DHTKD1: variants seen among roughly 807,000 people sequenced by gnomAD.
DHTKD1 encodes the protein 2-oxoadipate dehydrogenase complex component E1.
Under a neutral mutation model 101.8 loss-of-function variants are expected in DHTKD1, and 78 were observed. The observed-to-expected ratio is 0.77, with a 90% confidence interval of 0.64 to 0.93. The LOEUF (loss-of-function observed/expected upper bound fraction) is 0.93, where lower values mean the gene tolerates loss of function less well. DHTKD1 is among the 40% of genes least tolerant of loss of function. DHTKD1 has a pLI of 0.00. For synonymous variants in DHTKD1, 462 were observed against 450.3 expected (o/e 1.03, Z -0.33); for missense variants, 1,223 against 1,161.7 (o/e 1.05, Z -0.77).
At chr10:12,101,611 C>G (rs72779641) in intron 10 of DHTKD1, among the ~76,000 whole-genome samples, 11,943 of 151,916 alleles carry the variant, frequency 0.079, 603 homozygotes, top group Non-Finnish European at 0.12. Flanking sequence ...GTATTTCTTT[C>G]TTTTTTTTCG....
At chr10:12,106,987 C>CTT (rs1184296488) in intron 11 of DHTKD1, among the ~76,000 whole-genome samples, 9 of 141,652 alleles carry the variant, frequency 6.4e-5, no homozygotes, top group Admixed American at 1.4e-4. Flanking sequence ...TTTTTCTTTT[C>CTT]TTTTTTTTTT....
In DHTKD1 at chr10:12,068,991, T is replaced by A. The variant is rs761216464; in HGVS notation, c.-43T>A. Reference sequence around the variant, plus strand: ...ATTTACCAGGGCCGGTGGGATCCCCTCGGGCTCCCGCCTTAGCATGCTGGC... The same window carrying A: ...ATTTACCAGGGCCGGTGGGATCCCCACGGGCTCCCGCCTTAGCATGCTGGC... On this transcript the variant is annotated 5_prime_UTR_variant, in exon 1 of 17. Coordinates refer to ENST00000263035, the MANE Select transcript of DHTKD1 (RefSeq NM_018706.7). The A allele has an allele frequency of 1.9e-6, 3 of 1,608,240 alleles. No homozygotes were observed. In the Admixed American group the frequency reaches 5.0e-5, roughly 27 times the overall value.
rs776933405 is a variant in DHTKD1 at position 12,069,039 on chromosome 10, C to T, written c.6C>T (p.Ala2=). 9 of 1,613,216 alleles carry T rather than the reference C, an allele frequency of 5.6e-6. No individual in the cohort carries two copies. The highest frequency in any genetic ancestry group is 1.7e-5 in the Admixed American group (1 of 60,002). The change falls in exon 1 of 17, where the codon GCC becomes GCT. Residue 2 remains alanine, a synonymous_variant. Transcript: ENST00000263035. M[A]SATAAAARRG... ...GGCCGGGACATCTGGTGAACATGGC[C>T]TCTGCTACTGCGGCAGCAGCACGAC...
Position 12,117,662 on chromosome 10 carries a change from C to T in DHTKD1, c.2320-11C>T, listed in dbSNP as rs763787276. 4 of 1,558,418 alleles carry T rather than the reference C, an allele frequency of 2.6e-6. No homozygotes were observed. Among genetic ancestry groups the T allele is most frequent in the Middle Eastern group, 1.7e-4 (1 of 5,974 alleles). On this transcript the variant is annotated splice_polypyrimidine_tract_variant and intron_variant, in intron 13 of 16. Coordinates refer to ENST00000263035, the MANE Select transcript of DHTKD1 (RefSeq NM_018706.7). ...TTGCTTGCTGGATGTGTGGCCTCTT[C>T]TCCCTCGTAGGCAGCCGTGTCAACT...
At chr10:12,084,895 A>G in intron 3 of DHTKD1, 144 bp downstream of exon 3, 1 of 641,524 alleles carries the variant, frequency 1.6e-6, no homozygotes, top group Admixed American at 3.0e-5. Context: ...TACTAAAAAT[A>G]CGAAAATTAG....
chr10:12,081,029 G>C (rs190971249), intron 1 of DHTKD1, among the ~76,000 whole-genome samples: 1 of 151,936 alleles, frequency 6.6e-6, no homozygotes, highest in Non-Finnish European at 1.5e-5. Flanking sequence ...GGCCGGGTGC[G>C]GTGGCTCACG....
At position 12,088,424 on chromosome 10, in the gene DHTKD1, A is replaced by G. The variant is rs552649328; in HGVS notation, c.718-562A>G. On this transcript the variant is annotated intron_variant, in intron 4 of 16. Transcript: ENST00000263035. ...GAGATGGAGGCTGCAGTGAGCTGAGACTGTGCCACTGCCCTCCAGCCTGGA... is the reference window on the plus strand; with the variant it reads ...GAGATGGAGGCTGCAGTGAGCTGAGGCTGTGCCACTGCCCTCCAGCCTGGA... Among the ~76,000 whole-genome samples the G allele has an allele frequency of 9.9e-5, 15 of 151,784 alleles. 1 individual carries two copies. The highest frequency in any genetic ancestry group is 9.9e-4 in the Admixed American group (15 of 15,198).
intron 10 of DHTKD1, among the ~76,000 whole-genome samples, chr10:12,104,357 G>T (rs1049231283): frequency 2.6e-5 from 4 of 152,006 alleles, no homozygotes; most frequent in African/African-American, 9.7e-5. Context: ...TTTTGAATTT[G>T]TAGCAGAGAC....
chr10:12,114,834 C>A (rs1199241629), intron 13 of DHTKD1, among the ~76,000 whole-genome samples: 2 of 152,096 alleles, frequency 1.3e-5, no homozygotes, highest in Non-Finnish European at 2.9e-5. Flanking sequence ...CTCGCTCTGT[C>A]GCCCAGGCTG....
At chr10:12,083,530 T>C (rs967207613) in intron 2 of DHTKD1, among the ~76,000 whole-genome samples, 5 of 151,898 alleles carry the variant, frequency 3.3e-5, no homozygotes, top group African/African-American at 7.3e-5. Context: ...AGGACAGGAG[T>C]TCGAGACCAG....
chr10:12,081,080 C>T (rs1391012395), intron 1 of DHTKD1, among the ~76,000 whole-genome samples: 1 of 151,852 alleles, frequency 6.6e-6, no homozygotes, highest in Non-Finnish European at 1.5e-5. Flanking sequence ...GCGGGCAGAT[C>T]ATGAGGTCAG....
intron 1 of DHTKD1, among the ~76,000 whole-genome samples, chr10:12,074,437 A>G (rs373911641): frequency 6.6e-6 from 1 of 150,950 alleles, no homozygotes; most frequent in Non-Finnish European, 1.5e-5. Context: ...CTCACTGCAA[A>G]CTCTGCCTCC....
At position 12,069,162 on chromosome 10, in the gene DHTKD1, C is replaced by A. The variant is rs1303995532; in HGVS notation, c.129C>A (p.Pro43=). Residue 43 remains proline, a synonymous_variant, in exon 1 of 17, where the codon CCC becomes CCA. Transcript: ENST00000263035. ...CGAGGAAGCCCGAGAGCCGCGAGCC[C>A]CAGGGCGCCCTGGAGCGCCCCCCAG... The part of the protein sequence containing the change: ...YRPRKPESRE[P]QGALERPPVD... 6.4e-7 allele frequency: 1 copy of A among 1,565,260 alleles called. No homozygotes were observed. Among genetic ancestry groups the A allele is most frequent in the African/African-American group, 1.4e-5 (1 of 73,180 alleles).
Position 12,072,492 on chromosome 10 carries a change from TA to T in DHTKD1, c.154+3308del, listed in dbSNP as rs1470737764. Among the ~76,000 whole-genome samples the T allele has an allele frequency of 2.0e-5, 3 of 148,298 alleles. No homozygotes were observed. The Admixed American group carries it at 2.0e-4, about 10-fold the overall frequency. The stretch of plus-strand genomic sequence containing the variant: ...ATAAATAAATAAATAAATAAATAAA[TA>T]AATAAATAAATACAAATAAATAATT... On this transcript the variant is annotated intron_variant, in intron 1 of 16. Transcript: ENST00000263035.
rs952236477 is a variant in DHTKD1, at chr10:12,107,726, G to T, written c.2048-183G>T. ...AGCCACCGTGCCTAGCCCATGATAG[G>T]TTTTCATTCAATGAAATGGACATTT... is the stretch of plus-strand genomic sequence containing the variant. On this transcript the variant is annotated intron_variant, in intron 11 of 16. Coordinates refer to ENST00000263035, the MANE Select transcript of DHTKD1 (RefSeq NM_018706.7). This position sits in a 1 kb window ranked among gnomAD's most constrained non-coding sequence, Gnocchi z 4.1. Among the ~76,000 whole-genome samples, 1 of 152,098 alleles carries T rather than the reference G, an allele frequency of 6.6e-6. No individual in the cohort carries two copies. The highest frequency in any genetic ancestry group is 6.6e-5 in the Admixed American group (1 of 15,250).
intron 12 of DHTKD1, among the ~76,000 whole-genome samples, chr10:12,112,248 G>C (rs1001294153): frequency 1.3e-5 from 2 of 152,048 alleles, no homozygotes; most frequent in African/African-American, 4.8e-5. Context: ...TCCAGAGTTT[G>C]GGGTTACAGT....
In DHTKD1 at chr10:12,094,072, G is replaced by T; in HGVS notation, c.1160-1G>T. On this transcript the variant is annotated splice_acceptor_variant, in intron 6 of 16. Coordinates refer to ENST00000263035, the MANE Select transcript of DHTKD1 (RefSeq NM_018706.7). LOFTEE classifies it high-confidence loss of function. The stretch of plus-strand genomic sequence containing the variant: ...TTTCGGCTTGGTCTTCTGTCCTTCA[G>T]GGAAGCTTGTGGGCTGTGCCATCAT... The T allele has an allele frequency of 6.2e-7, 1 of 1,613,240 alleles. No individual in the cohort carries two copies. The highest frequency in any genetic ancestry group is 1.1e-5 in the South Asian group (1 of 91,030).
chr10:12,109,012 T>G (rs1026453871), intron 12 of DHTKD1, among the ~76,000 whole-genome samples: 1 of 151,918 alleles, frequency 6.6e-6, no homozygotes, highest in Non-Finnish European at 1.5e-5. Flanking sequence ...ATTAGCCATG[T>G]GTAGTGGCTC....
intron 2 of DHTKD1, among the ~76,000 whole-genome samples, chr10:12,082,622 T>TC (rs1832839166): frequency 1.3e-5 from 2 of 151,598 alleles, no homozygotes; most frequent in South Asian, 4.2e-4. Context: ...TTTTCTTTTT[T>TC]TTTTTTGAGA....
Sources: gnomAD v4.1 joint callset for allele counts (sites outside exome capture counted in the v4.1 genomes callset) on GRCh38, gnomAD v4.1.1 for gene constraint, Gnocchi (gnomAD v3.1) non-coding constraint, MANE v1.5 for transcripts, NCBI Gene and HGNC (gene_info 2026-07-23, HGNC 2026-07-21) for gene names.